KIF6: variants seen among roughly 807,000 people sequenced by gnomAD.
KIF6 encodes kinesin family member 6.
Under a neutral mutation model 112.7 loss-of-function variants are expected in KIF6, and 106 were observed. The observed-to-expected ratio is 0.94, with a 90% CI of 0.80 to 1.11. The LOEUF (loss-of-function observed/expected upper bound fraction) is 1.11, where lower values mean the gene tolerates loss of function less well. KIF6 is among the 50% of genes least tolerant of loss of function. The pLI is 0.00. For missense variants in KIF6, 929 were observed against 964.0 expected, an observed-to-expected ratio of 0.96 and a Z score of 0.48; for synonymous variants, 339 against 339.9, an observed-to-expected ratio of 1.00 and a Z score of 0.03.
intron 13 of KIF6, among the ~76,000 whole-genome samples, chr6:39,526,764 T>C (rs1040673362): frequency 1.3e-5 from 2 of 150,980 alleles, no homozygotes; most frequent in Admixed American, 6.6e-5. Flanking sequence ...AAAGTGCGAT[T>C]GACCACAGAG....
intron 2 of KIF6, among the ~76,000 whole-genome samples, chr6:39,719,668 T>A (rs1407020541): frequency 6.6e-6 from 1 of 152,186 alleles, no homozygotes; most frequent in African/African-American, 2.4e-5. Context: ...AAAAGAGTAT[T>A]CAGACCAAAG....
intron 14 of KIF6, among the ~76,000 whole-genome samples, chr6:39,425,427 AC>A (rs373194554): frequency 2.2e-4 from 33 of 151,922 alleles, no homozygotes; most frequent in African/African-American, 8.0e-4. Context: ...ATAAAGATCC[AC>A]CCTTTGTTCC....
At chr6:39,519,602 C>A (rs1019207256) in intron 13 of KIF6, among the ~76,000 whole-genome samples, 3 of 151,940 alleles carry the variant, frequency 2.0e-5, no homozygotes, top group Non-Finnish European at 4.4e-5. Flanking sequence ...TGGGATTCTG[C>A]GAGTCTAGGA....
At chr6:39,375,630 G>A (rs1330628216) in intron 16 of KIF6, among the ~76,000 whole-genome samples, 2 of 152,180 alleles carry the variant, frequency 1.3e-5, no homozygotes, top group Admixed American at 1.3e-4. Flanking sequence ...CTCAGACTGG[G>A]ACTTACTTTT....
intron 5 of KIF6, among the ~76,000 whole-genome samples, chr6:39,622,019 T>C (rs1025240258): frequency 6.6e-6 from 1 of 151,714 alleles, no homozygotes; most frequent in East Asian, 1.9e-4. Flanking sequence ...TTCCAAAAAT[T>C]AGACGGGTGG....
At chr6:39,654,039 G>A (rs538266191) in intron 3 of KIF6, among the ~76,000 whole-genome samples, 3 of 152,246 alleles carry the variant, frequency 2.0e-5, no homozygotes, top group African/African-American at 7.2e-5. Flanking sequence ...ACTATAGGAC[G>A]TGGGGGCCTA....
At chr6:39,672,876 A>G (rs1377696702) in intron 3 of KIF6, among the ~76,000 whole-genome samples, 1 of 152,192 alleles carries the variant, frequency 6.6e-6, no homozygotes, top group East Asian at 1.9e-4. Context: ...ATATGAATGG[A>G]GGAGTAGAGA....
At chr6:39,371,291 C>A (rs558752147) in intron 16 of KIF6, among the ~76,000 whole-genome samples, 26 of 152,210 alleles carry the variant, frequency 1.7e-4, no homozygotes, top group African/African-American at 6.3e-4. Context: ...TGGAGGCGGG[C>A]AACCTGGGGG....
At chr6:39,711,277 TAA>T (rs34784345) in intron 3 of KIF6, among the ~76,000 whole-genome samples, 11 of 72,850 alleles carry the variant, frequency 1.5e-4, no homozygotes, top group Non-Finnish European at 2.2e-4. Context: ...ACCTGGAAAG[TAA>T]AAAAAAAAAA....
chr6:39,699,114 G>A (rs1315027985), intron 3 of KIF6, among the ~76,000 whole-genome samples: 1 of 152,124 alleles, frequency 6.6e-6, no homozygotes, highest in Non-Finnish European at 1.5e-5. Flanking sequence ...AAAACAAAAA[G>A]ATCCCTGTAC....
At chr6:39,661,468 C>G (rs1336733801) in intron 3 of KIF6, among the ~76,000 whole-genome samples, 1 of 152,066 alleles carries the variant, frequency 6.6e-6, no homozygotes, top group African/African-American at 2.4e-5. Context: ...TGTCTATTGC[C>G]TATGTGTAAA....
intron 3 of KIF6, among the ~76,000 whole-genome samples, chr6:39,655,793 AAACT>A (rs1292890579): frequency 6.6e-6 from 1 of 152,214 alleles, no homozygotes; most frequent in Non-Finnish European, 1.5e-5. Flanking sequence ...GTCAATAAAC[AAACT>A]GACAATACAA....
intron 7 of KIF6, among the ~76,000 whole-genome samples, chr6:39,593,536 A>G (rs1782066842): frequency 6.6e-6 from 1 of 152,084 alleles, no homozygotes; most frequent in South Asian, 2.1e-4. Context: ...CTATTATCTT[A>G]TGTTGAACCT....
rs148400032 is a variant in KIF6, at chr6:39,447,080, G to A, written c.1646-15919C>T. On this transcript the variant is annotated intron_variant, in intron 13 of 22. Coordinates refer to ENST00000287152, the MANE Select transcript of KIF6 (RefSeq NM_145027.6). Reference sequence around the variant, plus strand: ...TTTAACACAGCAGGAGGATTTTAAGGTAGTTACAAATGACGGGTTAGCAAT... The same window carrying A: ...TTTAACACAGCAGGAGGATTTTAAGATAGTTACAAATGACGGGTTAGCAAT... 3.0e-3 allele frequency among the ~76,000 whole-genome samples: 463 copies of A among 152,288 alleles called. 8 individuals carry two copies. The highest frequency in any genetic ancestry group is 6.8e-3 in the Middle Eastern group (2 of 294).
intron 10 of KIF6, among the ~76,000 whole-genome samples, chr6:39,565,058 A>C (rs1780208185): frequency 6.6e-6 from 1 of 152,248 alleles, no homozygotes; most frequent in Non-Finnish European, 1.5e-5. Flanking sequence ...AGAGAGCTGA[A>C]AAATAAAAGC....
At chr6:39,586,550 A>G (rs1781651346) in intron 7 of KIF6, 146 bp from the exon 8 acceptor site, 2 of 637,830 alleles carry the variant, frequency 3.1e-6, no homozygotes, top group South Asian at 3.9e-5. Context: ...CAGAATAAAT[A>G]TCTTGACAAC....
At chr6:39,644,335 CAT>C (rs914627190) in intron 3 of KIF6, among the ~76,000 whole-genome samples, 10 of 152,060 alleles carry the variant, frequency 6.6e-5, no homozygotes, top group Non-Finnish European at 1.5e-4. Flanking sequence ...GTATTAAAAA[CAT>C]GTGTCCACAC....
At chr6:39,429,048 T>C (rs1770957746) in intron 14 of KIF6, among the ~76,000 whole-genome samples, 2 of 152,212 alleles carry the variant, frequency 1.3e-5, no homozygotes, top group Non-Finnish European at 2.9e-5. Context: ...AGTAGTTCTT[T>C]TGACTAGGAA....
chr6:39,517,634 G>A (rs183930017), intron 13 of KIF6, among the ~76,000 whole-genome samples: 156 of 152,266 alleles, frequency 1.0e-3, no homozygotes, highest in African/African-American at 3.2e-3. Context: ...ATTTGCTAAC[G>A]GCAGGAATTG....
Sources: allele counts gnomAD v4.1 joint callset (sites outside exome capture counted in the v4.1 genomes callset), GRCh38; gene constraint gnomAD v4.1.1; transcripts MANE v1.5; gene names NCBI Gene and HGNC (gene_info 2026-07-23, HGNC 2026-07-21).